ZCCHC24: variants seen among roughly 807,000 people sequenced by gnomAD.
The protein encoded by ZCCHC24 is zinc finger CCHC-type containing 24.
Under a neutral mutation model 26.2 loss-of-function variants are expected in ZCCHC24, and 10 were observed. The ratio of observed to expected loss-of-function variants is 0.38; its 90% CI spans 0.24 to 0.65. The LOEUF (loss-of-function observed/expected upper bound fraction) is 0.65, where lower values mean the gene tolerates loss of function less well. Ranked by LOEUF, ZCCHC24 falls within the 30% of genes least tolerant of loss-of-function variation. The pLI is 0.54. For synonymous variants in ZCCHC24, 144 were observed against 147.1 expected (o/e 0.98, Z 0.15); for missense variants, 243 against 329.1 (o/e 0.74, Z 2.03).
At chr10:79,429,588 T>C (rs1433192134) in intron 2 of ZCCHC24, among the ~76,000 whole-genome samples, 1 of 150,988 alleles carries the variant, frequency 6.6e-6, no homozygotes, top group East Asian at 1.9e-4. Flanking sequence ...CTCAAAAAAA[T>C]AAAAAAAAGA....
intron 2 of ZCCHC24, chr10:79,409,315 ACT>A (rs372434197): frequency 3.3e-5 from 5 of 152,078 alleles, no homozygotes; most frequent in African/African-American, 1.2e-4. Context: ...TAGAACTGTG[ACT>A]CTTCCTCCAG....
intron 2 of ZCCHC24, among the ~76,000 whole-genome samples, chr10:79,400,328 A>G (rs545117886): frequency 2.6e-5 from 4 of 152,376 alleles, no homozygotes; most frequent in African/African-American, 9.6e-5. Context: ...TGAGCGAAAC[A>G]TTCAACAACA....
At chr10:79,393,008 G>A (rs911420212) in intron 3 of ZCCHC24, among the ~76,000 whole-genome samples, 1 of 152,138 alleles carries the variant, frequency 6.6e-6, no homozygotes, top group Admixed American at 6.5e-5. Context: ...CCCACCCCAG[G>A]CTTCTAGGAC....
At chr10:79,412,662 C>A (rs1194616043) in intron 2 of ZCCHC24, among the ~76,000 whole-genome samples, 2 of 152,228 alleles carry the variant, frequency 1.3e-5, no homozygotes, top group Non-Finnish European at 2.9e-5. Context: ...TGGCCACCAT[C>A]CATCATGTGG....
intron 2 of ZCCHC24, among the ~76,000 whole-genome samples, chr10:79,429,155 T>C (rs1006746970): frequency 6.6e-6 from 1 of 152,330 alleles, no homozygotes; most frequent in Non-Finnish European, 1.5e-5. Context: ...GAAAATATTA[T>C]GCTAAGTGAA....
At chr10:79,403,795 A>G (rs893076884) in intron 2 of ZCCHC24, among the ~76,000 whole-genome samples, 19 of 151,854 alleles carry the variant, frequency 1.3e-4, no homozygotes, top group East Asian at 9.7e-4. Flanking sequence ...ATTCCACAAC[A>G]CTAGGGTTTG....
chr10:79,427,351 A>G (rs1344794366), intron 2 of ZCCHC24, among the ~76,000 whole-genome samples: 2 of 152,222 alleles, frequency 1.3e-5, no homozygotes, highest in South Asian at 4.1e-4. Flanking sequence ...CCTAACAGAC[A>G]TCTATAAAAC....
At chr10:79,417,542 G>A (rs1265199852) in intron 2 of ZCCHC24, among the ~76,000 whole-genome samples, 2 of 152,250 alleles carry the variant, frequency 1.3e-5, no homozygotes, top group South Asian at 2.1e-4. Flanking sequence ...ACGGCCTAAG[G>A]TCAGACTGAC....
intron 3 of ZCCHC24, among the ~76,000 whole-genome samples, chr10:79,393,029 C>G (rs745501729): frequency 6.6e-6 from 1 of 152,200 alleles, no homozygotes; most frequent in African/African-American, 2.4e-5. Flanking sequence ...TCCACACCCC[C>G]TGGTTCTCCT....
At chr10:79,387,451 C>T (rs2132171637) in intron 3 of ZCCHC24, among the ~76,000 whole-genome samples, 1 of 152,190 alleles carries the variant, frequency 6.6e-6, no homozygotes, top group East Asian at 1.9e-4. Context: ...AGACTTGTTT[C>T]CCTGGAGAAT....
At chr10:79,433,420 C>G (rs1264104676) in intron 1 of ZCCHC24, among the ~76,000 whole-genome samples, 1 of 152,228 alleles carries the variant, frequency 6.6e-6, no homozygotes, top group African/African-American at 2.4e-5. Context: ...TCTCTCTCAC[C>G]TCCAGATGAC....
At chr10:79,409,846 G>A (rs1395785804) in intron 2 of ZCCHC24, among the ~76,000 whole-genome samples, 1 of 152,250 alleles carries the variant, frequency 6.6e-6, no homozygotes. Context: ...CCCACTGCGA[G>A]TGTTTGGAGG....
At chr10:79,427,680 G>A (rs1479835947) in intron 2 of ZCCHC24, among the ~76,000 whole-genome samples, 1 of 151,988 alleles carries the variant, frequency 6.6e-6, no homozygotes, top group African/African-American at 2.4e-5. Flanking sequence ...CTTATGGGAT[G>A]GGGCTCAGAG....
rs1449168886 is a variant in ZCCHC24, at chr10:79,421,154, T to G, written c.447+11404A>C. 8.2e-5 allele frequency among the ~76,000 whole-genome samples: 6 copies of G among 72,800 alleles called. 1 individual carries two copies. The highest frequency in any genetic ancestry group is 1.5e-4 in the African/African-American group (3 of 19,834). The allele number at this position is 72,800 out of a possible 152,430, so 47.8% of individuals were successfully genotyped here. A position where few individuals can be genotyped will look rare whatever the true frequency, so the allele number is the denominator to read the frequency against. ...TTGGGGCACTACCCTAACGTCAGCA[T>G]CTATGCCAAGCCACCACCTGCCAAA... On this transcript the variant is annotated intron_variant, in intron 2 of 3. Coordinates refer to ENST00000372336, the MANE Select transcript of ZCCHC24 (RefSeq NM_153367.4).
chr10:79,400,650 G>T (rs565884009), intron 2 of ZCCHC24, among the ~76,000 whole-genome samples: 6 of 152,198 alleles, frequency 3.9e-5, no homozygotes, highest in Admixed American at 2.0e-4. Context: ...GGCCCCTCCT[G>T]CCCCCTAGGG....
intron 2 of ZCCHC24, among the ~76,000 whole-genome samples, chr10:79,400,016 G>A (rs1856609055): frequency 6.6e-6 from 1 of 152,188 alleles, no homozygotes; most frequent in South Asian, 2.1e-4. Flanking sequence ...GACTCTGGAG[G>A]CACTTCCAAC....
chr10:79,407,576 G>A (rs1372882792), intron 2 of ZCCHC24, among the ~76,000 whole-genome samples: 1 of 152,126 alleles, frequency 6.6e-6, no homozygotes, highest in Non-Finnish European at 1.5e-5. Flanking sequence ...TGCAGCTGCT[G>A]CTGGTCTGGG....
At chr10:79,389,684 C>T (rs1053609466) in intron 3 of ZCCHC24, among the ~76,000 whole-genome samples, 10 of 151,636 alleles carry the variant, frequency 6.6e-5, no homozygotes, top group Admixed American at 2.0e-4. Context: ...GATGCTATCT[C>T]GGCTCACAGC....
chr10:79,423,581 C>CTATATATATATATATATATATATA (rs561884774), intron 2 of ZCCHC24, among the ~76,000 whole-genome samples: 56 of 53,706 alleles, frequency 1.0e-3, no homozygotes, highest in African/African-American at 4.1e-3. Context: ...AATATATATA[C>CTATATATATATATATATATATATA]TATATATATA....
Sources: allele counts gnomAD v4.1 joint callset (sites outside exome capture counted in the v4.1 genomes callset), GRCh38; gene constraint gnomAD v4.1.1; transcripts MANE v1.5; gene names NCBI Gene and HGNC (gene_info 2026-07-23, HGNC 2026-07-21).